Variants in TET3 observed in about 807,000 individuals in gnomAD.
TET3 encodes tet methylcytosine dioxygenase 3.
TET3 carries 19 observed loss-of-function variants against 141.4 expected under a neutral mutation model. That is an observed-to-expected ratio of 0.13 (90% CI 0.09 to 0.20). The LOEUF is 0.20. Ranked by LOEUF, TET3 falls within the 10% of genes least tolerant of loss-of-function variation. The pLI is 1.00. For synonymous variants in TET3, 1,043 were observed against 980.9 expected (o/e 1.06, Z -1.18); for missense variants, 1,874 against 2,356.9 (o/e 0.80, Z 4.24).
chr2:73,986,409 C>T lies in TET3; in HGVS notation c.6C>T (p.Ser2=). 8.1e-7 allele frequency: 1 copy of T among 1,232,180 alleles called. No individual in the cohort carries two copies. Among genetic ancestry groups the T allele is most frequent in the South Asian group, 4.1e-5 (1 of 24,320 alleles). 76.3% of individuals were successfully genotyped at this position (1,232,180 alleles called of 1,614,324 possible). The change falls in exon 2 of 12, where the codon AGC becomes AGT. Residue 2 remains serine, a synonymous_variant. Coordinates refer to ENST00000409262, the MANE Select transcript of TET3 (RefSeq NM_001287491.2). The part of the protein sequence containing the change: M[S]QFQVPLAVQP... ...ACCCCACCTCTGGCAGCATCATGAG[C>T]CAGTTTCAGGTGCCCCTGGCCGTCC...
At chr2:73,989,436 G>C (rs1447733544) in intron 2 of TET3, among the ~76,000 whole-genome samples, 1 of 152,130 alleles carries the variant, frequency 6.6e-6, no homozygotes, top group Non-Finnish European at 1.5e-5. Context: ...GGCTTCCTTT[G>C]AATTGTCTGC....
In TET3 at chr2:74,037,977, G is replaced by A. The variant is rs1453944092; in HGVS notation, c.361-8301G>A. Among the ~76,000 whole-genome samples, 18 of 152,204 alleles carry A rather than the reference G, an allele frequency of 1.2e-4. No individual in the cohort carries two copies. The East Asian group carries it at 3.5e-3, about 29-fold the overall frequency. ...GGGAGTGGCGTTCCACACTTTTCCA[G>A]CCTTGCCTGGCATCTGGGGGGCTCT... On this transcript the variant is annotated intron_variant, in intron 3 of 11. Coordinates refer to ENST00000409262, the MANE Select transcript of TET3 (RefSeq NM_001287491.2).
In TET3 at chr2:74,100,407, G is replaced by A. The variant is rs1457533749; in HGVS notation, c.3619G>A (p.Gly1207Ser). 1 of 1,563,572 alleles carries A rather than the reference G, an allele frequency of 6.4e-7. No individual in the cohort carries two copies. Among genetic ancestry groups the A allele is most frequent in the Admixed American group, 1.9e-5 (1 of 52,322 alleles). ...ITSDPGLSLK[G>S]GLSQQGLKPS... ...TGTTTCCCCAGGCCTGTCTCTGAAGGGTGGATTGTCCCAGCAAGGCCTGAA... is the reference window on the plus strand; with the variant it reads ...TGTTTCCCCAGGCCTGTCTCTGAAGAGTGGATTGTCCCAGCAAGGCCTGAA... The change falls in exon 12 of 12, where the codon GGT (glycine) becomes AGT (serine). Residue 1207 changes from glycine to serine, a missense_variant. Physicochemically the swap from Gly to Ser is moderately conservative, Grantham distance 56. Around this residue, in one of 10 missense-constraint regions of TET3, gnomAD observed 602 missense variants for 590.2 expected, o/e 1.02. Transcript: ENST00000409262.
Position 74,103,083 on chromosome 2 carries a change from A to G in TET3, c.*907A>G, listed in dbSNP as rs1002429271. On this transcript the variant is annotated 3_prime_UTR_variant, in exon 12 of 12. Transcript: ENST00000409262. ...GCTGGAGCTGGAGTGCGAGGTTCTTAGGGGCCGTGCCCACCATGTTGCCAA... is the reference window on the plus strand; with the variant it reads ...GCTGGAGCTGGAGTGCGAGGTTCTTGGGGGCCGTGCCCACCATGTTGCCAA... 6.6e-6 allele frequency: 1 copy of G among 152,206 alleles called. No homozygotes were observed. The highest frequency in any genetic ancestry group is 1.9e-4 in the East Asian group (1 of 5,202). The allele number at this position is 152,206 out of a possible 1,614,324, so 9.4% of individuals were successfully genotyped here.
At chr2:74,082,437 G>T (rs967816695) in intron 6 of TET3, among the ~76,000 whole-genome samples, 1 of 152,144 alleles carries the variant, frequency 6.6e-6, no homozygotes, top group Non-Finnish European at 1.5e-5. Flanking sequence ...TGAACTGGAG[G>T]TTACATTCAA....
intron 3 of TET3, among the ~76,000 whole-genome samples, chr2:74,015,898 A>G (rs756587750): frequency 1.3e-5 from 2 of 152,136 alleles, no homozygotes; most frequent in Non-Finnish European, 2.9e-5. Flanking sequence ...AATATCTTCT[A>G]TTAGTAAAAT....
At chr2:74,099,641 G>A (rs968894169) in intron 11 of TET3, 29 bp downstream of exon 11, 2 of 1,519,268 alleles carry the variant, frequency 1.3e-6, no homozygotes, top group Non-Finnish European at 1.8e-6. Context: ...CCCGCTTGGA[G>A]TCACAATGGC....
chr2:74,118,363 T>C, the TET3 span, among the ~76,000 whole-genome samples: 3 of 152,326 alleles, frequency 2.0e-5, no homozygotes, highest in East Asian at 3.9e-4. Flanking sequence ...GCAGCTGCAG[T>C]TGCCCACCAT....
At chr2:74,074,710 G>T (rs1309418045) in intron 5 of TET3, among the ~76,000 whole-genome samples, 1 of 151,862 alleles carries the variant, frequency 6.6e-6, no homozygotes, top group Non-Finnish European at 1.5e-5. Context: ...ACACACTGTA[G>T]GAGTGTCCCG....
chr2:74,113,278 C>G, the TET3 span, among the ~76,000 whole-genome samples: 4 of 152,022 alleles, frequency 2.6e-5, no homozygotes, highest in East Asian at 7.8e-4. Context: ...CCCAGCTACT[C>G]GGGAGGCTGA....
At position 74,047,495 on chromosome 2, in the gene TET3, C is replaced by T. The variant is rs371908309; in HGVS notation, c.1578C>T (p.Thr526=). 9.3e-5 allele frequency: 150 copies of T among 1,612,862 alleles called. 1 individual carries two copies. The East Asian group carries it at 2.6e-3, about 28-fold the overall frequency. Reference sequence around the variant, plus strand: ...CCGACACCCACCAGAAGGCCCAGACCGCCCTGCAGCAGCACCTCCACCACA... The same window carrying T: ...CCGACACCCACCAGAAGGCCCAGACTGCCCTGCAGCAGCACCTCCACCACA... The part of the protein sequence containing the change: ...SEPDTHQKAQ[T]ALQQHLHHKR... Residue 526 remains threonine, a synonymous_variant, in exon 4 of 12, where the codon ACC becomes ACT. Coordinates refer to ENST00000409262, the MANE Select transcript of TET3 (RefSeq NM_001287491.2).
At chr2:74,124,093 C>G in the TET3 span, among the ~76,000 whole-genome samples, 3 of 151,724 alleles carry the variant, frequency 2.0e-5, no homozygotes, top group Non-Finnish European at 4.4e-5. Context: ...TGAGGAGCCC[C>G]TCCGCCCAGC....
chr2:74,020,323 A>G (rs1265480439), intron 3 of TET3, among the ~76,000 whole-genome samples: 3 of 152,124 alleles, frequency 2.0e-5, no homozygotes, highest in Non-Finnish European at 4.4e-5. Flanking sequence ...AGTTGGGACT[A>G]CAGGTGCATA....
chr2:74,099,555 A>C lies in TET3; in HGVS notation c.3547A>C (p.Thr1183Pro). 1.2e-6 allele frequency: 2 copies of C among 1,607,944 alleles called. No individual in the cohort carries two copies. The highest frequency in any genetic ancestry group is 1.7e-6 in the Non-Finnish European group (2 of 1,176,976). ...KKKIQKEKLS[T>P]PEKIKQEALE... ...GAAGATTCAGAAGGAGAAGCTGAGCACTCCGGAGAAGATCAAGCAGGAGGC... is the reference window on the plus strand; with the variant it reads ...GAAGATTCAGAAGGAGAAGCTGAGCCCTCCGGAGAAGATCAAGCAGGAGGC... Residue 1183 changes from threonine (T) to proline (P), a missense_variant, in exon 11 of 12, where the codon ACT becomes CCT. Physicochemically the swap from Thr to Pro is conservative, Grantham distance 38 (BLOSUM62 -1). Around this residue, in one of 10 missense-constraint regions of TET3, gnomAD observed 602 missense variants for 590.2 expected, o/e 1.02. Coordinates refer to ENST00000409262, the MANE Select transcript of TET3 (RefSeq NM_001287491.2).
rs1459496330 is a variant in TET3, at chr2:74,099,296, A to G, written c.3288A>G (p.Glu1096=). Residue 1096 remains glutamate (E), a synonymous_variant, in exon 11 of 12, where the codon GAA becomes GAG. Coordinates refer to ENST00000409262, the MANE Select transcript of TET3 (RefSeq NM_001287491.2). The part of the protein sequence containing the change: ...GCTVVCTLTK[E]DNRCVGKIPE... ...GGCAGGTCTGCACCCTGACCAAGGA[A>G]GACAATCGCTGCGTGGGCAAGATTC... 10 of 1,604,474 alleles carry G rather than the reference A, an allele frequency of 6.2e-6. No homozygotes were observed. The highest frequency in any genetic ancestry group is 8.5e-6 in the Non-Finnish European group (10 of 1,175,572).
intron 3 of TET3, among the ~76,000 whole-genome samples, chr2:74,018,246 T>C (rs944585800): frequency 2.0e-5 from 3 of 152,054 alleles, no homozygotes; most frequent in African/African-American, 4.8e-5. Flanking sequence ...GGATTACAGG[T>C]GTGAGCCACC....
chr2:74,017,235 G>C (rs945107939), intron 3 of TET3, among the ~76,000 whole-genome samples: 1 of 152,158 alleles, frequency 6.6e-6, no homozygotes, highest in African/African-American at 2.4e-5. Flanking sequence ...GCTGTAGTGA[G>C]CTATTTTCAC....
chr2:73,989,294 TC>T (rs929830469), intron 2 of TET3, among the ~76,000 whole-genome samples: 2 of 152,110 alleles, frequency 1.3e-5, no homozygotes, highest in African/African-American at 4.8e-5. Context: ...TATCCTAGGA[TC>T]CTCTCGGACA....
intron 4 of TET3, among the ~76,000 whole-genome samples, chr2:74,060,855 C>T (rs967256318): frequency 2.6e-5 from 4 of 152,232 alleles, no homozygotes. Context: ...GGTCACAGAT[C>T]AACAGGATAA....
Sources: gnomAD v4.1 joint callset for allele counts (sites outside exome capture counted in the v4.1 genomes callset) on GRCh38, gnomAD v4.1.1 for gene constraint, gnomAD v4.1.1 regional missense constraint, MANE v1.5 for transcripts, NCBI Gene and HGNC (gene_info 2026-07-23, HGNC 2026-07-21) for gene names.